Variants in UVRAG observed in about 807,000 individuals in gnomAD.
UVRAG encodes the protein UV radiation resistance-associated gene protein.
Under a neutral mutation model 78.0 loss-of-function variants are expected in UVRAG, and 19 were observed. The observed-to-expected ratio is 0.24, with a 90% CI of 0.17 to 0.36. The LOEUF is 0.36. Among genes scored for constraint, UVRAG ranks in the 10% least tolerant of loss-of-function variants. The pLI, the probability that UVRAG is intolerant of heterozygous loss-of-function variation, is 1.00. For synonymous variants in UVRAG, 323 were observed against 324.6 expected (o/e 1.00, Z 0.05); for missense variants, 740 against 853.8 (o/e 0.87, Z 1.66).
chr11:75,882,265 G>A (rs1946964683), intron 4 of UVRAG, among the ~76,000 whole-genome samples: 1 of 152,110 alleles, frequency 6.6e-6, no homozygotes, highest in Non-Finnish European at 1.5e-5. Flanking sequence ...AACCTTGGGA[G>A]CAGTTTGGGA....
At chr11:75,816,161 C>T (rs1486754318) in intron 1 of UVRAG, among the ~76,000 whole-genome samples, 2 of 152,194 alleles carry the variant, frequency 1.3e-5, no homozygotes, top group Admixed American at 6.5e-5. Flanking sequence ...TCATTCCCTT[C>T]AGTGAGTCTC....
In UVRAG at chr11:76,128,138, T is replaced by C. The variant is rs573482930; in HGVS notation, c.1397+12123T>C. On this transcript the variant is annotated intron_variant, in intron 14 of 14. Coordinates refer to ENST00000356136, the MANE Select transcript of UVRAG (RefSeq NM_003369.4). Reference sequence around the variant, plus strand: ...TGTACCAGTAGCAGTCCATGTCCTGTTAGGAACCAGGCCTCACAGCAGGAG... The same window carrying C: ...TGTACCAGTAGCAGTCCATGTCCTGCTAGGAACCAGGCCTCACAGCAGGAG... Among the ~76,000 whole-genome samples, 4 of 152,252 alleles carry C rather than the reference T, an allele frequency of 2.6e-5. No homozygotes were observed. In the East Asian group the frequency reaches 7.7e-4, roughly 29 times the overall value.
At chr11:75,823,092 G>T (rs7128716) in intron 1 of UVRAG, among the ~76,000 whole-genome samples, 25,716 of 152,034 alleles carry the variant, frequency 0.17, 3,124 homozygotes, top group African/African-American at 0.34. Context: ...GACCAAATAT[G>T]AAAAGTAAAG....
intron 3 of UVRAG, among the ~76,000 whole-genome samples, chr11:75,864,930 C>T (rs1253058697): frequency 6.6e-6 from 1 of 152,140 alleles, no homozygotes. Context: ...GAGCTTGGTT[C>T]TTAGACCAGA....
At chr11:75,834,033 C>A (rs937557877) in intron 1 of UVRAG, among the ~76,000 whole-genome samples, 1 of 152,280 alleles carries the variant, frequency 6.6e-6, no homozygotes, top group South Asian at 2.1e-4. Context: ...GGGGCCTGTT[C>A]CCAACAGTTA....
At chr11:76,025,849 T>C (rs1176622488) in intron 12 of UVRAG, among the ~76,000 whole-genome samples, 1 of 152,158 alleles carries the variant, frequency 6.6e-6, no homozygotes, top group African/African-American at 2.4e-5. Context: ...GGCGGTCATA[T>C]ATCCTATGTA....
At chr11:75,818,645 AT>A (rs1945318531) in intron 1 of UVRAG, among the ~76,000 whole-genome samples, 1 of 151,716 alleles carries the variant, frequency 6.6e-6, no homozygotes, top group Non-Finnish European at 1.5e-5. Flanking sequence ...CGCCCAGCTA[AT>A]TTTTGTATTT....
intron 12 of UVRAG, among the ~76,000 whole-genome samples, chr11:76,050,296 A>C (rs1024012583): frequency 6.6e-6 from 1 of 152,232 alleles, no homozygotes; most frequent in Non-Finnish European, 1.5e-5. Context: ...AACATACCTG[A>C]ATCTTGAAAT....
chr11:76,014,026 A>G (rs2135362095), intron 11 of UVRAG, among the ~76,000 whole-genome samples: 2 of 152,302 alleles, frequency 1.3e-5, no homozygotes, highest in Middle Eastern at 6.8e-3. Context: ...GATTTCCAAT[A>G]TTATTCAATT....
intron 3 of UVRAG, among the ~76,000 whole-genome samples, chr11:75,867,411 C>T (rs1448072332): frequency 2.6e-5 from 4 of 151,990 alleles, no homozygotes; most frequent in Non-Finnish European, 5.9e-5. Context: ...CTTTTGTGTC[C>T]GATTGCCATG....
rs115218633 is a variant in UVRAG, at chr11:75,874,227, G to A, written c.271-5652G>A. On this transcript the variant is annotated intron_variant, in intron 3 of 14. Transcript: ENST00000356136. ...AAATTGTTGACATTCTCTTTAGCCCGCCTTTGTTCTAAATTCTGTCTTTTG... is the reference window on the plus strand; with the variant it reads ...AAATTGTTGACATTCTCTTTAGCCCACCTTTGTTCTAAATTCTGTCTTTTG... Among the ~76,000 whole-genome samples, 774 of 151,630 alleles carry A rather than the reference G, an allele frequency of 5.1e-3. 4 individuals carry two copies. Among genetic ancestry groups the A allele is most frequent in the African/African-American group, 0.018 (725 of 41,306 alleles).
chr11:76,006,686 A>AAAAAT (rs60739794), intron 9 of UVRAG, among the ~76,000 whole-genome samples: 1 of 140,144 alleles, frequency 7.1e-6, no homozygotes, highest in South Asian at 2.4e-4. Flanking sequence ...AAAAAAAAAA[A>AAAAAT]GAGAGAGAGA....
At chr11:75,823,205 A>G (rs562795796) in intron 1 of UVRAG, among the ~76,000 whole-genome samples, 1 of 152,268 alleles carries the variant, frequency 6.6e-6, no homozygotes, top group East Asian at 1.9e-4. Flanking sequence ...ATTATTGTAA[A>G]TTGAAGGGCC....
At chr11:76,010,586 T>C (rs1335438405) in intron 11 of UVRAG, among the ~76,000 whole-genome samples, 1 of 152,160 alleles carries the variant, frequency 6.6e-6, no homozygotes, top group African/African-American at 2.4e-5. Context: ...ACTCAGCGTT[T>C]GGGGAATGTG....
At chr11:75,851,466 A>T (rs757370459) in intron 1 of UVRAG, among the ~76,000 whole-genome samples, 93 of 152,326 alleles carry the variant, frequency 6.1e-4, no homozygotes, top group Non-Finnish European at 9.8e-4. Context: ...CTGAACTAGC[A>T]TCAGGGGTGA....
At chr11:75,820,415 T>C (rs1945361362) in intron 1 of UVRAG, among the ~76,000 whole-genome samples, 1 of 150,812 alleles carries the variant, frequency 6.6e-6, no homozygotes. Context: ...AGTGGAGTGG[T>C]GCGATCTCCG....
chr11:75,858,733 A>G (rs1217146770), intron 2 of UVRAG, among the ~76,000 whole-genome samples: 2 of 152,234 alleles, frequency 1.3e-5, no homozygotes, highest in African/African-American at 4.8e-5. Flanking sequence ...TTCTCCCCAC[A>G]GCTTCAACCA....
At chr11:76,032,182 C>T (rs1252861774) in intron 12 of UVRAG, among the ~76,000 whole-genome samples, 2 of 152,104 alleles carry the variant, frequency 1.3e-5, no homozygotes, top group Non-Finnish European at 2.9e-5. Flanking sequence ...CCAAAAGCAT[C>T]TCATAATAGT....
At chr11:76,038,092 A>C (rs552402490) in intron 12 of UVRAG, among the ~76,000 whole-genome samples, 8 of 152,336 alleles carry the variant, frequency 5.3e-5, no homozygotes, top group Admixed American at 2.0e-4. Context: ...CCATGAATTA[A>C]ATCACTTACA....
Sources: gnomAD v4.1 joint callset for allele counts (sites outside exome capture counted in the v4.1 genomes callset) on GRCh38, gnomAD v4.1.1 for gene constraint, MANE v1.5 for transcripts, NCBI Gene and HGNC (gene_info 2026-07-23, HGNC 2026-07-21) for gene names.